The following ATP6V1G3 variants were observed in gnomAD, a reference collection of about 807,000 sequenced individuals.
ATP6V1G3 encodes the protein ATPase H+ transporting V1 subunit G3.
ATP6V1G3 carries 9 observed loss-of-function variants against 9.3 expected under a neutral mutation model. The ratio of observed to expected loss-of-function variants is 0.97; its 90% CI spans 0.59 to 1.69. The LOEUF (loss-of-function observed/expected upper bound fraction) is 1.69, where lower values mean the gene tolerates loss of function less well. Among genes scored for constraint, ATP6V1G3 ranks in the 40% most tolerant of loss-of-function variants. The pLI is 0.00. For synonymous variants in ATP6V1G3, 43 were observed against 43.8 expected (o/e 0.98, Z 0.07); for missense variants, 133 against 139.0 (o/e 0.96, Z 0.22).
chr1:198,530,594 C>T (rs1006183503), intron 1 of ATP6V1G3, among the ~76,000 whole-genome samples: 3 of 152,142 alleles, frequency 2.0e-5, no homozygotes, highest in Non-Finnish European at 4.4e-5. Context: ...AAAACTACTG[C>T]TCTTCTGTTG....
At chr1:198,532,842 C>A (rs1204680696) in intron 1 of ATP6V1G3, among the ~76,000 whole-genome samples, 1 of 151,882 alleles carries the variant, frequency 6.6e-6, no homozygotes, top group Non-Finnish European at 1.5e-5. Flanking sequence ...ATGGCTGGAG[C>A]AAAGAGAACA....
chr1:198,540,693 G>C (rs750845108), upstream of ATP6V1G3: 2 of 1,528,128 alleles, frequency 1.3e-6, no homozygotes, highest in African/African-American at 2.7e-5. Flanking sequence ...AATCTGGGAA[G>C]TAATGGGTTC....
intron 1 of ATP6V1G3, among the ~76,000 whole-genome samples, chr1:198,537,707 C>T (rs1378217473): frequency 1.3e-5 from 2 of 152,126 alleles, no homozygotes; most frequent in East Asian, 3.8e-4. Flanking sequence ...GCCTCCTTTC[C>T]CTTTTTAAAA....
chr1:198,532,277 T>G (rs1217710983), intron 1 of ATP6V1G3, among the ~76,000 whole-genome samples: 1 of 152,092 alleles, frequency 6.6e-6, no homozygotes, highest in Non-Finnish European at 1.5e-5. Context: ...ACACTCAACC[T>G]TTAAGAAAAG....
chr1:198,527,349 A>G (rs1253813026), intron 2 of ATP6V1G3, among the ~76,000 whole-genome samples: 1 of 152,076 alleles, frequency 6.6e-6, no homozygotes, highest in African/African-American at 2.4e-5. Context: ...TAATTATGAG[A>G]GAGATGAGGA....
At chr1:198,526,874 A>T (rs957459238) in intron 2 of ATP6V1G3, among the ~76,000 whole-genome samples, 2 of 152,152 alleles carry the variant, frequency 1.3e-5, no homozygotes, top group African/African-American at 2.4e-5. Flanking sequence ...TGTATTAACA[A>T]CATATTTAAT....
chr1:198,524,026 G>A (rs1455285428), intron 2 of ATP6V1G3, among the ~76,000 whole-genome samples: 6 of 151,876 alleles, frequency 4.0e-5, no homozygotes, highest in African/African-American at 1.5e-4. Flanking sequence ...TTTTTAAAGA[G>A]TGTTTTTCTA....
chr1:198,525,244 C>T (rs1005732334), intron 2 of ATP6V1G3, among the ~76,000 whole-genome samples: 2 of 151,930 alleles, frequency 1.3e-5, no homozygotes, highest in African/African-American at 4.8e-5. Context: ...TGTGATTCTA[C>T]CAAATTAAAA....
At chr1:198,534,307 GA>G (rs1242831109) in intron 1 of ATP6V1G3, among the ~76,000 whole-genome samples, 4 of 152,156 alleles carry the variant, frequency 2.6e-5, no homozygotes, top group Non-Finnish European at 5.9e-5. Context: ...ACACAGGGAG[GA>G]AGGCCATGTA....
chr1:198,529,457 C>CT (rs1185680996), intron 1 of ATP6V1G3, among the ~76,000 whole-genome samples: 4 of 151,294 alleles, frequency 2.6e-5, no homozygotes, highest in Admixed American at 6.6e-5. Flanking sequence ...TAAATGACAA[C>CT]TTTTTTTTGC....
intron 1 of ATP6V1G3, among the ~76,000 whole-genome samples, chr1:198,538,481 ATAATATTGAT>A (rs367929039): frequency 6.6e-6 from 1 of 152,238 alleles, no homozygotes; most frequent in African/African-American, 2.4e-5. Flanking sequence ...GAGTCATACA[ATAATATTGAT>A]TAATCTATAC....
At chr1:198,531,316 A>G (rs1297714462) in intron 1 of ATP6V1G3, among the ~76,000 whole-genome samples, 11 of 152,184 alleles carry the variant, frequency 7.2e-5, no homozygotes, top group Admixed American at 1.3e-4. Context: ...GTTAGAGGTG[A>G]AACAAAATGC....
At chr1:198,531,833 C>T (rs1558179403) in intron 1 of ATP6V1G3, among the ~76,000 whole-genome samples, 1 of 151,916 alleles carries the variant, frequency 6.6e-6, no homozygotes, top group Admixed American at 6.6e-5. Context: ...ATTTAATAAT[C>T]TACCATAAAA....
chr1:198,531,122 T>A (rs1659881904), intron 1 of ATP6V1G3, among the ~76,000 whole-genome samples: 1 of 152,120 alleles, frequency 6.6e-6, no homozygotes, highest in Non-Finnish European at 1.5e-5. Context: ...TGTCTGTGAT[T>A]CCCTTGTCAT....
intron 2 of ATP6V1G3, among the ~76,000 whole-genome samples, chr1:198,528,197 A>T (rs1659740529): frequency 6.6e-6 from 1 of 152,132 alleles, no homozygotes; most frequent in Non-Finnish European, 1.5e-5. Context: ...GGTCCATTTA[A>T]TTCTAGAAAG....
intron 1 of ATP6V1G3, among the ~76,000 whole-genome samples, chr1:198,539,184 T>C (rs1340953771): frequency 6.6e-6 from 1 of 152,226 alleles, no homozygotes; most frequent in Non-Finnish European, 1.5e-5. Flanking sequence ...AGGAAATCTA[T>C]TTATCTTAAG....
intron 1 of ATP6V1G3, among the ~76,000 whole-genome samples, chr1:198,534,006 T>C (rs955667020): frequency 1.3e-5 from 2 of 152,054 alleles, no homozygotes; most frequent in African/African-American, 4.8e-5. Context: ...ACAGGGAACA[T>C]AGGCAACTTC....
chr1:198,523,549 T>G lies in ATP6V1G3; in HGVS notation c.199A>C (p.Asn67His). Reference protein sequence around the residue: ...LKQSKIMGSQNNLSDEIEEQT... With the variant: ...LKQSKIMGSQHNLSDEIEEQT... Reference sequence around the variant, plus strand: ...TCTTCTATTTCATCTGAGAGATTATTCTGAGAGCCCATTATCTACCAAAAC... The same window carrying G: ...TCTTCTATTTCATCTGAGAGATTATGCTGAGAGCCCATTATCTACCAAAAC... The change falls in exon 3 of 3, where the codon AAT becomes CAT. Residue 67 changes from asparagine (N) to histidine (H), a missense_variant. Asn to His is a moderately conservative substitution (Grantham distance 68). Transcript: ENST00000367382. The G allele has an allele frequency of 1.2e-6, 2 of 1,612,362 alleles. No homozygotes were observed. The highest frequency in any genetic ancestry group is 1.7e-6 in the Non-Finnish European group (2 of 1,179,380).
At chr1:198,535,736 G>C (rs1660083353) in intron 1 of ATP6V1G3, among the ~76,000 whole-genome samples, 1 of 152,074 alleles carries the variant, frequency 6.6e-6, no homozygotes, top group Admixed American at 6.6e-5. Context: ...GGTAGGTACT[G>C]TTAGTATCTC....
Sources: gnomAD v4.1 joint callset for allele counts (sites outside exome capture counted in the v4.1 genomes callset) on GRCh38, gnomAD v4.1.1 for gene constraint, MANE v1.5 for transcripts, NCBI Gene and HGNC (gene_info 2026-07-23, HGNC 2026-07-21) for gene names.